Variants in RPTOR observed in about 807,000 individuals in gnomAD.
RPTOR encodes the protein regulatory associated protein of MTOR complex 1, also known as regulatory-associated protein of mTOR.
Under a neutral mutation model 169.9 loss-of-function variants are expected in RPTOR, and 21 were observed. The observed-to-expected ratio is 0.12, with a 90% confidence interval of 0.09 to 0.18. RPTOR has a LOEUF of 0.18. Among genes scored for constraint, RPTOR ranks in the 10% least tolerant of loss-of-function variants. The pLI is 1.00. For synonymous variants in RPTOR, 732 were observed against 753.2 expected, an observed-to-expected ratio of 0.97 and a Z score of 0.46; for missense variants, 1,133 against 1,855.9, an observed-to-expected ratio of 0.61 and a Z score of 7.16.
chr17:80,663,961 T>C (rs2065744045), intron 3 of RPTOR, among the ~76,000 whole-genome samples: 1 of 152,166 alleles, frequency 6.6e-6, no homozygotes, highest in African/African-American at 2.4e-5. Flanking sequence ...CCCACTGCTC[T>C]GCATCTTCCC....
chr17:80,799,997 G>C (rs2067140473), intron 7 of RPTOR, among the ~76,000 whole-genome samples: 1 of 152,190 alleles, frequency 6.6e-6, no homozygotes, highest in Admixed American at 6.5e-5. Context: ...GGTGTGCCAG[G>C]TCTGCCAGGC....
rs2067410525 is a variant in RPTOR, at chr17:80,823,881, G to A, written c.1136+658G>A. ...AGCAGGTTTGGGCAAATTCTAAAAT[G>A]GTATTAAAACAAAGGAAAAATATTT... is the stretch of plus-strand genomic sequence containing the variant. On this transcript the variant is annotated intron_variant, in intron 9 of 33. Coordinates refer to ENST00000306801, the MANE Select transcript of RPTOR (RefSeq NM_020761.3). This position sits in a 1 kb window ranked among gnomAD's most constrained non-coding sequence, Gnocchi z 4.5. Among the ~76,000 whole-genome samples the A allele has an allele frequency of 6.6e-6, 1 of 152,280 alleles. No individual in the cohort carries two copies. Among genetic ancestry groups the A allele is most frequent in the South Asian group, 2.1e-4 (1 of 4,832 alleles).
intron 20 of RPTOR, among the ~76,000 whole-genome samples, chr17:80,904,446 CAG>C (rs1325457044): frequency 6.6e-6 from 1 of 152,182 alleles, no homozygotes; most frequent in African/African-American, 2.4e-5. Context: ...TTCTGGGATT[CAG>C]AGTCAGCCAG....
At chr17:80,917,240 GTAGC>G (rs57479369) in intron 21 of RPTOR, among the ~76,000 whole-genome samples, 49,065 of 151,058 alleles carry the variant, frequency 0.32, 8,064 homozygotes, top group East Asian at 0.45. Flanking sequence ...GGCTTCCCAT[GTAGC>G]TGGGATTACA....
chr17:80,671,956 G>A lies in RPTOR; in HGVS notation c.348+28146G>A, dbSNP rs1468167049. Reference sequence around the variant, plus strand: ...AGCTGTTGTAGCATTAAATGTCCCTGGCTAGGTGCCAGTAGCTATTTCCAT... The same window carrying A: ...AGCTGTTGTAGCATTAAATGTCCCTAGCTAGGTGCCAGTAGCTATTTCCAT... On this transcript the variant is annotated intron_variant, in intron 3 of 33. Coordinates refer to ENST00000306801, the MANE Select transcript of RPTOR (RefSeq NM_020761.3). 2.0e-5 allele frequency among the ~76,000 whole-genome samples: 3 copies of A among 152,180 alleles called. No homozygotes were observed. The East Asian group carries it at 5.8e-4, about 29-fold the overall frequency.
chr17:80,876,318 G>A (rs74197627), intron 13 of RPTOR, among the ~76,000 whole-genome samples: 1 of 70,172 alleles, frequency 1.4e-5, no homozygotes, highest in East Asian at 3.7e-4. Context: ...CCCGTGCCAC[G>A]CAGGGTGTGT....
Position 80,739,163 on chromosome 17 carries a change from C to T in RPTOR, c.654+8457C>T, listed in dbSNP as rs1050503837. Among the ~76,000 whole-genome samples, 7 of 150,864 alleles carry T rather than the reference C, an allele frequency of 4.6e-5. No homozygotes were observed. The East Asian group carries it at 5.9e-4, about 13-fold the overall frequency. On this transcript the variant is annotated intron_variant, in intron 5 of 33. Coordinates refer to ENST00000306801, the MANE Select transcript of RPTOR (RefSeq NM_020761.3). ...ACACCTCTGCCGCCACCACGGAGGC[C>T]GAGGGGCTCGCCCCGCCCCGACGCG...
At chr17:80,557,819 G>A (rs566768632) in intron 1 of RPTOR, among the ~76,000 whole-genome samples, 49 of 151,806 alleles carry the variant, frequency 3.2e-4, no homozygotes, top group Non-Finnish European at 6.3e-4. Flanking sequence ...CCAGCTACTC[G>A]GGAGGCTGAG....
At chr17:80,696,262 A>C (rs1002012383) in intron 3 of RPTOR, among the ~76,000 whole-genome samples, 1 of 152,254 alleles carries the variant, frequency 6.6e-6, no homozygotes, top group Non-Finnish European at 1.5e-5. Context: ...GGAAAAGATT[A>C]CACAGAATGG....
intron 17 of RPTOR, among the ~76,000 whole-genome samples, chr17:80,888,114 T>A (rs146031435): frequency 0.011 from 1,654 of 152,264 alleles, 17 homozygotes; most frequent in Non-Finnish European, 0.017. Flanking sequence ...TACTATTTTA[T>A]TTTATTTGTT....
At chr17:80,684,514 G>T (rs915162361) in intron 3 of RPTOR, among the ~76,000 whole-genome samples, 1 of 150,584 alleles carries the variant, frequency 6.6e-6, no homozygotes. Flanking sequence ...GTGTGATCTC[G>T]GCTCACTGCA....
In RPTOR at chr17:80,959,765, A is replaced by T. The variant is rs999913655; in HGVS notation, c.3478-313A>T. ...GCCAGTCCTTCCCAGAGGCGTTTGC[A>T]GGCCTCCGCTCGGGGTGGGGCTGGC... On this transcript the variant is annotated intron_variant, in intron 29 of 33. Coordinates refer to ENST00000306801, the MANE Select transcript of RPTOR (RefSeq NM_020761.3). The surrounding 1 kb of genome is among the most constrained non-coding windows in gnomAD (Gnocchi z 6.7). 1.4e-4 allele frequency among the ~76,000 whole-genome samples: 21 copies of T among 152,294 alleles called. No individual in the cohort carries two copies. The highest frequency in any genetic ancestry group is 5.1e-4 in the African/African-American group (21 of 41,568).
intron 1 of RPTOR, among the ~76,000 whole-genome samples, chr17:80,579,550 G>GC (rs2064996940): frequency 6.6e-6 from 1 of 152,180 alleles, no homozygotes; most frequent in Admixed American, 6.5e-5. Context: ...CCTGACTGAA[G>GC]CCCAGAGAAG....
intron 10 of RPTOR, among the ~76,000 whole-genome samples, chr17:80,840,224 G>A (rs945624256): frequency 6.6e-6 from 1 of 152,106 alleles, no homozygotes; most frequent in African/African-American, 2.4e-5. Flanking sequence ...GTGGAGTCAC[G>A]CAGGGTGTAG....
At chr17:80,851,554 C>T (rs1484519294) in intron 11 of RPTOR, among the ~76,000 whole-genome samples, 1 of 152,220 alleles carries the variant, frequency 6.6e-6, no homozygotes, top group Non-Finnish European at 1.5e-5. Context: ...GACGATGTTT[C>T]TTTGCAAATG....
At chr17:80,548,869 A>C (rs1250702511) in intron 1 of RPTOR, among the ~76,000 whole-genome samples, 1 of 152,116 alleles carries the variant, frequency 6.6e-6, no homozygotes, top group Non-Finnish European at 1.5e-5. Context: ...GACTGTCCTA[A>C]ATGCAAGCTG....
intron 21 of RPTOR, among the ~76,000 whole-genome samples, chr17:80,915,613 G>A (rs563417238): frequency 4.5e-4 from 12 of 26,930 alleles, no homozygotes; most frequent in Admixed American, 1.5e-3. Context: ...AACCAGCTGC[G>A]GAGAGGAGCT....
chr17:80,700,709 ATGGTGGTGGTGGTGGTGGTGATGATGG>A (rs1567864610), intron 3 of RPTOR, among the ~76,000 whole-genome samples: 14 of 28,738 alleles, frequency 4.9e-4, no homozygotes, highest in Admixed American at 6.0e-4. Context: ...GGTGGTGGTG[ATGGTGGTGGTGGTGGTGGTGATGATGG>A]TGGTGGTGGT....
chr17:80,933,285 T>G (rs1307627158), intron 24 of RPTOR, among the ~76,000 whole-genome samples: 1 of 152,252 alleles, frequency 6.6e-6, no homozygotes, highest in Non-Finnish European at 1.5e-5. Context: ...GCAGCAGTAT[T>G]GTACCCACAA....
Sources: gnomAD v4.1 joint callset for allele counts (sites outside exome capture counted in the v4.1 genomes callset) on GRCh38, gnomAD v4.1.1 for gene constraint, Gnocchi (gnomAD v3.1) non-coding constraint, MANE v1.5 for transcripts, NCBI Gene and HGNC (gene_info 2026-07-23, HGNC 2026-07-21) for gene names.